ZNF718: variants seen among roughly 807,000 people sequenced by gnomAD.
ZNF718 encodes zinc finger protein 718.
A neutral mutation model predicts 2.6 loss-of-function variants in ZNF718; 3 were observed. That is an observed-to-expected ratio of 1.16 (90% CI 0.53 to 3.01). The LOEUF (loss-of-function observed/expected upper bound fraction) is 3.01. Ranked by LOEUF, ZNF718 falls within the 30% of genes most tolerant of loss-of-function variation. The pLI is 0.03. For missense variants in ZNF718, 468 were observed against 230.0 expected (o/e 2.03, Z -6.69); for synonymous variants, 135 against 77.9 (o/e 1.73, Z -3.86).
intron 3 of ZNF718, among the ~76,000 whole-genome samples, chr4:146,354 G>T (rs1306777345): frequency 6.6e-6 from 1 of 151,916 alleles, no homozygotes; most frequent in Non-Finnish European, 1.5e-5. Context: ...TAAATATACG[G>T]TCTCACTTCT....
intron 3 of ZNF718, among the ~76,000 whole-genome samples, chr4:136,799 C>T (rs531645407): frequency 2.0e-5 from 3 of 152,308 alleles, no homozygotes; most frequent in East Asian, 3.9e-4. Flanking sequence ...AGGAATATTT[C>T]ATTGTATGTA....
intron 1 of ZNF718, among the ~76,000 whole-genome samples, chr4:126,049 CCAGTCCTTTCAT>C (rs1319158599): frequency 1.3e-5 from 2 of 152,186 alleles, no homozygotes; most frequent in Non-Finnish European, 2.9e-5. Flanking sequence ...GTAGCACAAA[CCAGTCCTTTCAT>C]CAGTTGTGCC....
intron 3 of ZNF718, among the ~76,000 whole-genome samples, chr4:157,318 T>C (rs979150343): frequency 3.9e-5 from 6 of 152,010 alleles, no homozygotes; most frequent in African/African-American, 1.4e-4. Flanking sequence ...TTCTCCATGT[T>C]GGTCAGGCTG....
rs1410204827 is a variant in ZNF718, at chr4:160,921, C to T, written c.236C>T (p.Ser79Phe). Residue 79 changes from serine (S) to phenylalanine (F), a missense_variant, in exon 4 of 4, where the codon TCT (serine) becomes TTT (phenylalanine). Ser to Phe is a radical substitution (Grantham distance 155). Coordinates refer to ENST00000510175, the MANE Select transcript of ZNF718 (RefSeq NM_001039127.6). Reference protein sequence around the residue: ...ETAARPPAVCSHFTQNLWTVQ... With the variant: ...ETAARPPAVCFHFTQNLWTVQ... ...TTTTTATTTCTTTCAGCTGTGTGTT[C>T]TCATTTCACCCAAAACCTTTGGACA... is the stretch of plus-strand genomic sequence containing the variant. 1.3e-6 allele frequency: 1 copy of T among 756,878 alleles called. No individual in the cohort carries two copies. Among genetic ancestry groups the T allele is most frequent in the African/African-American group, 1.7e-5 (1 of 57,524 alleles). The allele number at this position is 756,878 out of a possible 1,614,324, so 46.9% of individuals were successfully genotyped here. A position where few individuals can be genotyped will look rare whatever the true frequency, so the allele number is the denominator to read the frequency against.
At chr4:199,392 T>C (rs1553822461) in intron 3 of ZNF718, among the ~76,000 whole-genome samples, 1 of 152,232 alleles carries the variant, frequency 6.6e-6, no homozygotes, top group African/African-American at 2.4e-5. Flanking sequence ...CCTTGCATCC[T>C]AACCCAGAGA....
In ZNF718 at chr4:148,565, C is replaced by T. The variant is rs116840627; in HGVS notation, c.227-12347C>T. ...TGGAGGTTGCAGTGAGCAAATATCA[C>T]GCCATTGCACTCTGCAGCCAAGGTG... On this transcript the variant is annotated intron_variant, in intron 3 of 3. Coordinates refer to ENST00000510175, the MANE Select transcript of ZNF718 (RefSeq NM_001039127.6). Among the ~76,000 whole-genome samples, 334 of 148,032 alleles carry T rather than the reference C, an allele frequency of 2.3e-3. 1 individual carries two copies. Among genetic ancestry groups the T allele is most frequent in the Admixed American group, 5.8e-3 (84 of 14,542 alleles).
chr4:147,382 G>A (rs2108792349), intron 3 of ZNF718, among the ~76,000 whole-genome samples: 1 of 152,236 alleles, frequency 6.6e-6, no homozygotes, highest in African/African-American at 2.4e-5. Flanking sequence ...AGTTTGGGGA[G>A]GTAAATATCT....
chr4:191,303 G>A (rs116070887), intron 3 of ZNF718, among the ~76,000 whole-genome samples: 12 of 151,282 alleles, frequency 7.9e-5, no homozygotes, highest in South Asian at 2.1e-4. Flanking sequence ...CACACACCAC[G>A]ACACCTGGCT....
exon 5 of ZNF718, chr4:201,867 G>T: frequency 5.3e-6 from 1 of 187,242 alleles, no homozygotes; most frequent in South Asian, 1.2e-4. Context: ...TTTAGTAGAT[G>T]ATATAGTTCT....
chr4:179,604 C>T (rs371840374), intron 3 of ZNF718, among the ~76,000 whole-genome samples: 23 of 152,310 alleles, frequency 1.5e-4, no homozygotes, highest in African/African-American at 5.1e-4. Context: ...CAAAGTGTTT[C>T]TATGGCCTGT....
In ZNF718 at chr4:163,517, A is replaced by C. The variant is rs1716998136; in HGVS notation, c.*1395A>C. The C allele has an allele frequency of 1.3e-5, 2 of 152,174 alleles. No individual in the cohort carries two copies. The highest frequency in any genetic ancestry group is 1.3e-4 in the Admixed American group (2 of 15,276). The allele number at this position is 152,174 out of a possible 1,614,324, so 9.4% of individuals were successfully genotyped here. A position where few individuals can be genotyped will look rare whatever the true frequency, so the allele number is the denominator to read the frequency against. On this transcript the variant is annotated 3_prime_UTR_variant, in exon 4 of 4. Transcript: ENST00000510175. ...GAGTAAGGACATTGAAAGATGCATGAGATGATGCATACATCTTTGTGGTTG... is the reference window on the plus strand; with the variant it reads ...GAGTAAGGACATTGAAAGATGCATGCGATGATGCATACATCTTTGTGGTTG...
chr4:125,177 T>G (rs797032233), intron 1 of ZNF718: 3 of 156,302 alleles, frequency 1.9e-5, no homozygotes, highest in African/African-American at 7.2e-5. Flanking sequence ...GCGCCAACTT[T>G]GCCGCCAGTC....
In ZNF718 at chr4:161,496, A is replaced by G. The variant is rs1336918507; in HGVS notation, c.811A>G (p.Asn271Asp). 3 of 780,784 alleles carry G rather than the reference A, an allele frequency of 3.8e-6. No individual in the cohort carries two copies. Among genetic ancestry groups the G allele is most frequent in the Non-Finnish European group, 7.2e-6 (3 of 417,920 alleles). 48.4% of individuals were successfully genotyped at this position (780,784 alleles called of 1,614,324 possible). A position where few individuals can be genotyped will look rare whatever the true frequency, so the allele number is the denominator to read the frequency against. ...GKAFNQSSTL[N>D]LHKRIHSAQK... is the part of the protein sequence containing the mutation. ...AGCTTTTAACCAATCCTCAACCCTT[A>G]ATTTACATAAGAGAATTCATTCTGC... The change falls in exon 4 of 4, where the codon AAT becomes GAT. Residue 271 changes from asparagine (N) to aspartate (D), a missense_variant. Physicochemically the swap from Asn to Asp is conservative, Grantham distance 23. Coordinates refer to ENST00000510175, the MANE Select transcript of ZNF718 (RefSeq NM_001039127.6).
chr4:181,515 A>G (rs2108813446), intron 3 of ZNF718, among the ~76,000 whole-genome samples: 1 of 152,114 alleles, frequency 6.6e-6, no homozygotes, highest in African/African-American at 2.4e-5. Flanking sequence ...TTGACAACTG[A>G]TTTCTCAGTA....
intron 3 of ZNF718, among the ~76,000 whole-genome samples, chr4:179,069 T>C (rs868929855): frequency 1.8e-4 from 27 of 152,334 alleles, no homozygotes; most frequent in Middle Eastern, 3.4e-3. Flanking sequence ...TTGCATGCTA[T>C]CAAAGGGAAA....
chr4:179,327 C>G (rs1190013266), intron 3 of ZNF718, among the ~76,000 whole-genome samples: 3 of 152,138 alleles, frequency 2.0e-5, no homozygotes, highest in Non-Finnish European at 4.4e-5. Flanking sequence ...TGTGGTACCT[C>G]TAACTTTGTT....
At chr4:191,076 T>C (rs1717683994) in intron 3 of ZNF718, among the ~76,000 whole-genome samples, 1 of 151,618 alleles carries the variant, frequency 6.6e-6, no homozygotes, top group South Asian at 2.1e-4. Flanking sequence ...GAATATATTT[T>C]CAAAAGTGAA....
chr4:200,358 G>A (rs1321108343), intron 3 of ZNF718, among the ~76,000 whole-genome samples: 1 of 152,168 alleles, frequency 6.6e-6, no homozygotes, highest in Non-Finnish European at 1.5e-5. Context: ...TGCCTCCTAA[G>A]TCCTGATTCA....
At position 157,103 on chromosome 4, in the gene ZNF718, C is replaced by CTTTTTTTCTTTTT. The variant is rs1716606285; in HGVS notation, c.227-3802_227-3801insCTTTTTTTTTTTT. Reference sequence around the variant, plus strand: ...TTTCTTTTTGTTTCTTTCTTTCTTTCTTTTTTTTTTTTTTTTTTTTTTTTT... The same window carrying CTTTTTTTCTTTTT: ...TTTCTTTTTGTTTCTTTCTTTCTTTCTTTTTTTCTTTTTTTTTTTTTTTTTTTTTTTTTTTTTT... On this transcript the variant is annotated intron_variant, in intron 3 of 3. Transcript: ENST00000510175. Among the ~76,000 whole-genome samples the CTTTTTTTCTTTTT allele has an allele frequency of 2.9e-5, 3 of 103,150 alleles. 1 individual carries two copies. The highest frequency in any genetic ancestry group is 1.9e-5 in the Non-Finnish European group (1 of 51,856). The allele number at this position is 103,150 out of a possible 152,430, so 67.7% of individuals were successfully genotyped here.
Sources: gnomAD v4.1 joint callset for allele counts (sites outside exome capture counted in the v4.1 genomes callset) on GRCh38, gnomAD v4.1.1 for gene constraint, MANE v1.5 for transcripts, NCBI Gene and HGNC (gene_info 2026-07-23, HGNC 2026-07-21) for gene names.